The following ABCA13 variants were observed in gnomAD, a reference collection of about 807,000 sequenced individuals.
ABCA13 encodes the protein ATP binding cassette subfamily A member 13.
Under a neutral mutation model 478.7 loss-of-function variants are expected in ABCA13, and 476 were observed. The observed-to-expected ratio is 0.99, with a 90% CI of 0.92 to 1.07. ABCA13 has a LOEUF of 1.07. ABCA13 is among the 50% of genes least tolerant of loss of function. The pLI is 0.00. For synonymous variants in ABCA13, 2,252 were observed against 2,158.9 expected, an observed-to-expected ratio of 1.04 and a Z score of -1.20; for missense variants, 6,060 against 5,910.6, an observed-to-expected ratio of 1.03 and a Z score of -0.83.
chr7:48,221,423 A>C (rs900689624), intron 5 of ABCA13, 114 bp downstream of exon 5: 14 of 544,396 alleles, frequency 2.6e-5, no homozygotes, highest in Non-Finnish European at 4.3e-5. Context: ...CTTGTATAAC[A>C]ATTGTATAGA....
intron 35 of ABCA13, among the ~76,000 whole-genome samples, chr7:48,383,579 C>A (rs769272688): frequency 6.6e-6 from 1 of 152,224 alleles, no homozygotes; most frequent in African/African-American, 2.4e-5. Context: ...TGCCTTATTT[C>A]ACCTTTAGAA....
Position 48,278,529 on chromosome 7 carries a change from C to G in ABCA13, c.7335C>G (p.Leu2445=). Residue 2445 remains leucine, a synonymous_variant, in exon 18 of 62, where the codon CTC becomes CTG. Coordinates refer to ENST00000435803, the MANE Select transcript of ABCA13 (RefSeq NM_152701.5). Reference sequence around the variant, plus strand: ...ACTTCTATGCTTTGTATCCTACCCTCCAAGAAGTTATACTTGCTAATCTAA... The same window carrying G: ...ACTTCTATGCTTTGTATCCTACCCTGCAAGAAGTTATACTTGCTAATCTAA... ...NKDFYALYPT[L]QEVILANLTD... The G allele has an allele frequency of 6.2e-7, 1 of 1,613,896 alleles. No individual in the cohort carries two copies. The highest frequency in any genetic ancestry group is 8.5e-7 in the Non-Finnish European group (1 of 1,179,840).
intron 23 of ABCA13, among the ~76,000 whole-genome samples, chr7:48,307,778 T>C (rs1227451955): frequency 6.6e-6 from 1 of 152,078 alleles, no homozygotes; most frequent in East Asian, 1.9e-4. Flanking sequence ...CCTCCTTGGT[T>C]CAAGCAATTC....
chr7:48,552,753 C>T (rs376739591), intron 55 of ABCA13, among the ~76,000 whole-genome samples: 17 of 151,518 alleles, frequency 1.1e-4, no homozygotes, highest in East Asian at 7.7e-4. Flanking sequence ...TTGATATAGG[C>T]GTACAGTGCA....
At chr7:48,309,107 C>T (rs1263578552) in intron 23 of ABCA13, among the ~76,000 whole-genome samples, 1 of 150,526 alleles carries the variant, frequency 6.6e-6, no homozygotes, top group Non-Finnish European at 1.5e-5. Flanking sequence ...GACTACTACA[C>T]CATTATTTAT....
At chr7:48,183,443 G>A (rs1795967158) in intron 1 of ABCA13, among the ~76,000 whole-genome samples, 1 of 152,198 alleles carries the variant, frequency 6.6e-6, no homozygotes, top group South Asian at 2.1e-4. Context: ...CATAAAAGGT[G>A]TAAAACTGGC....
intron 27 of ABCA13, among the ~76,000 whole-genome samples, chr7:48,325,937 CA>C (rs1474985233): frequency 2.0e-5 from 3 of 152,126 alleles, no homozygotes. Context: ...CATGAATCTG[CA>C]CTCTAGGGTA....
At chr7:48,428,712 A>C (rs770447459) in intron 42 of ABCA13, among the ~76,000 whole-genome samples, 2 of 152,200 alleles carry the variant, frequency 1.3e-5, no homozygotes, top group Non-Finnish European at 2.9e-5. Flanking sequence ...ATAGATGTGT[A>C]GTAGTTTCTC....
At chr7:48,203,088 C>A (rs886235639) in intron 3 of ABCA13, among the ~76,000 whole-genome samples, 1 of 152,224 alleles carries the variant, frequency 6.6e-6, no homozygotes, top group Non-Finnish European at 1.5e-5. Flanking sequence ...GGCGAGAAAT[C>A]GAGCGCAGCG....
At chr7:48,414,378 C>T (rs1431620845) in intron 41 of ABCA13, among the ~76,000 whole-genome samples, 1 of 152,052 alleles carries the variant, frequency 6.6e-6, no homozygotes, top group Non-Finnish European at 1.5e-5. Flanking sequence ...GTGCTTGTAT[C>T]TTTTCTGCCC....
chr7:48,295,262 C>T (rs1799205460), intron 20 of ABCA13, among the ~76,000 whole-genome samples: 1 of 152,196 alleles, frequency 6.6e-6, no homozygotes, highest in Non-Finnish European at 1.5e-5. Flanking sequence ...GGTTGATTTG[C>T]ATTTTCCTGA....
At chr7:48,373,225 A>G (rs1204576021) in intron 33 of ABCA13, among the ~76,000 whole-genome samples, 1 of 152,134 alleles carries the variant, frequency 6.6e-6, no homozygotes, top group African/African-American at 2.4e-5. Context: ...ATTAACAGAG[A>G]CTTTGGGGAG....
chr7:48,584,731 A>G (rs1789010520), intron 56 of ABCA13, among the ~76,000 whole-genome samples: 3 of 151,174 alleles, frequency 2.0e-5, no homozygotes, highest in Non-Finnish European at 4.4e-5. Flanking sequence ...AGTGTTTGCT[A>G]TTAGAAGTTT....
At chr7:48,404,941 C>T (rs1246151814) in intron 39 of ABCA13, among the ~76,000 whole-genome samples, 1 of 152,240 alleles carries the variant, frequency 6.6e-6, no homozygotes, top group Non-Finnish European at 1.5e-5. Context: ...TTTTGTTCCA[C>T]TCTGGGCTTT....
chr7:48,639,692 A>G (rs1414229819), intron 59 of ABCA13, among the ~76,000 whole-genome samples: 6 of 152,250 alleles, frequency 3.9e-5, no homozygotes, highest in Non-Finnish European at 8.8e-5. Flanking sequence ...CAGTGGGCAT[A>G]TATCTATAAA....
At chr7:48,242,946 C>T (rs866605259) in intron 10 of ABCA13, 2 of 152,234 alleles carry the variant, frequency 1.3e-5, no homozygotes, top group African/African-American at 4.8e-5. Flanking sequence ...CAGTTTTCTA[C>T]TGAGTTTTTC....
intron 3 of ABCA13, among the ~76,000 whole-genome samples, chr7:48,214,406 G>C (rs751788776): frequency 6.6e-6 from 1 of 152,168 alleles, no homozygotes; most frequent in Non-Finnish European, 1.5e-5. Flanking sequence ...CACCAGCTGT[G>C]TTAGCCCCTA....
At position 48,427,819 on chromosome 7, in the gene ABCA13, G is replaced by A. The variant is rs375691706; in HGVS notation, c.12513G>A (p.Gly4171=). 6 of 1,613,484 alleles carry A rather than the reference G, an allele frequency of 3.7e-6. No homozygotes were observed. The highest frequency in any genetic ancestry group is 1.7e-5 in the Admixed American group (1 of 59,990). ...DSNKKSHIAL[G]TESELQNHRP... ...ACAAGAAATCTCACATTGCCCTGGG[G>A]ACTGAGTCAGAGCTGCAGAACCACA... Residue 4171 remains glycine, a synonymous_variant, in exon 42 of 62, where the codon GGG becomes GGA. Transcript: ENST00000435803.
Position 48,356,227 on chromosome 7 carries a change from A to G in ABCA13, c.10688+3740A>G, listed in dbSNP as rs144811543. The stretch of plus-strand genomic sequence containing the variant: ...ATCGACCATTGGATTTACACCATCC[A>G]GGACTTCATAGAGAGTAGCTTCCAT... On this transcript the variant is annotated intron_variant, in intron 31 of 61. Transcript: ENST00000435803. 2.4e-3 allele frequency among the ~76,000 whole-genome samples: 364 copies of G among 152,062 alleles called. 4 individuals carry two copies. The highest frequency in any genetic ancestry group is 4.3e-3 in the Non-Finnish European group (295 of 68,014).
Sources: allele counts gnomAD v4.1 joint callset (sites outside exome capture counted in the v4.1 genomes callset), GRCh38; gene constraint gnomAD v4.1.1; transcripts MANE v1.5; gene names NCBI Gene and HGNC (gene_info 2026-07-23, HGNC 2026-07-21).